The following CHST9 variants were observed in gnomAD, a reference collection of about 807,000 sequenced individuals.
The protein encoded by CHST9 is GalNAc-4-sulfotransferase 2.
In CHST9, 41 loss-of-function variants were observed where a neutral mutation model predicts 44.4. The observed-to-expected ratio is 0.92, with a 90% confidence interval of 0.72 to 1.20. The LOEUF is 1.20. Among genes scored for constraint, CHST9 ranks in the 50% most tolerant of loss-of-function variants. CHST9 has a pLI of 0.00. For synonymous variants in CHST9, 171 were observed against 178.4 expected, an observed-to-expected ratio of 0.96 and a Z score of 0.33; for missense variants, 504 against 516.5, an observed-to-expected ratio of 0.98 and a Z score of 0.23.
At position 26,907,492 on chromosome 18, in the gene CHST9, C is replaced by T. The variant is rs2055385442; in HGVS notation, c.*8767G>A. 6.6e-6 allele frequency: 1 copy of T among 152,028 alleles called. No individual in the cohort carries two copies. Among genetic ancestry groups the T allele is most frequent in the African/African-American group, 2.4e-5 (1 of 41,364 alleles). 9.4% of individuals were successfully genotyped at this position (152,028 alleles called of 1,614,324 possible). On this transcript the variant is annotated 3_prime_UTR_variant, in exon 6 of 6. Coordinates refer to ENST00000618847, the MANE Select transcript of CHST9 (RefSeq NM_031422.6). ...GCCTAGAAAAAGATTTCGGAACCAT[C>T]AGCCTAATGGTGGAGCTAAAGCAAG...
At chr18:27,167,823 A>G (rs2058802630) in intron 1 of CHST9, among the ~76,000 whole-genome samples, 1 of 152,204 alleles carries the variant, frequency 6.6e-6, no homozygotes, top group South Asian at 2.1e-4. Context: ...AATCATGTGC[A>G]AAGTTGTAGT....
intron 2 of CHST9, among the ~76,000 whole-genome samples, chr18:27,080,070 A>G (rs2057945425): frequency 6.6e-6 from 1 of 152,102 alleles, no homozygotes; most frequent in Admixed American, 6.6e-5. Flanking sequence ...CCTACCACAA[A>G]TGTATAATTG....
At chr18:27,094,353 A>T in intron 2 of CHST9, among the ~76,000 whole-genome samples, 1 of 152,204 alleles carries the variant, frequency 6.6e-6, no homozygotes, top group South Asian at 2.1e-4. Context: ...GGTGTTTTAT[A>T]TATACAAAAT....
intron 4 of CHST9, among the ~76,000 whole-genome samples, chr18:26,956,332 T>A (rs1375090504): frequency 7.9e-5 from 11 of 138,502 alleles, no homozygotes; most frequent in African/African-American, 3.0e-4. Context: ...AAAAAATATA[T>A]ATATATATAT....
At chr18:27,182,305 G>C (rs1022121040) in intron 1 of CHST9, among the ~76,000 whole-genome samples, 1 of 140,218 alleles carries the variant, frequency 7.1e-6, no homozygotes, top group South Asian at 2.4e-4. Flanking sequence ...TCTGTAGTTT[G>C]GGTTTATTCT....
At chr18:26,988,893 A>G (rs766365157) in intron 4 of CHST9, among the ~76,000 whole-genome samples, 3 of 152,178 alleles carry the variant, frequency 2.0e-5, no homozygotes, top group Non-Finnish European at 2.9e-5. Flanking sequence ...AAATCTCTAG[A>G]AAATCTAAAT....
chr18:27,024,040 G>T (rs2057255478), intron 4 of CHST9, 76 bp downstream of exon 4: 1 of 1,393,814 alleles, frequency 7.2e-7, no homozygotes. Context: ...ACACTCTGAG[G>T]TTTTCAGATA....
chr18:26,963,436 T>C (rs2056425440), intron 4 of CHST9, among the ~76,000 whole-genome samples: 1 of 151,960 alleles, frequency 6.6e-6, no homozygotes, highest in African/African-American at 2.4e-5. Flanking sequence ...TACTGAGCCG[T>C]TGGGTCTATT....
intron 2 of CHST9, 117 bp downstream of exon 2, chr18:27,142,571 AT>A: frequency 1.4e-6 from 1 of 728,612 alleles, no homozygotes; most frequent in Non-Finnish European, 2.0e-6. Context: ...CTTATGACTC[AT>A]TTTTTGTTGT....
intron 2 of CHST9, among the ~76,000 whole-genome samples, chr18:27,100,055 A>G (rs1341944970): frequency 6.6e-6 from 1 of 152,074 alleles, no homozygotes; most frequent in African/African-American, 2.4e-5. Context: ...ATATATATAC[A>G]CATATGGAGT....
At chr18:26,997,068 C>T (rs1379594007) in intron 4 of CHST9, among the ~76,000 whole-genome samples, 1 of 152,120 alleles carries the variant, frequency 6.6e-6, no homozygotes, top group East Asian at 1.9e-4. Context: ...TTTGCTTTAC[C>T]ACTTGCTAGC....
intron 1 of CHST9, among the ~76,000 whole-genome samples, chr18:27,159,582 G>A (rs2058728774): frequency 6.6e-6 from 1 of 152,116 alleles, no homozygotes; most frequent in South Asian, 2.1e-4. Flanking sequence ...GGATTGACTT[G>A]GCAATGCAGG....
At chr18:26,996,604 G>A (rs1053495143) in intron 4 of CHST9, among the ~76,000 whole-genome samples, 2 of 152,178 alleles carry the variant, frequency 1.3e-5, no homozygotes, top group Non-Finnish European at 2.9e-5. Flanking sequence ...AGGCTGCAAG[G>A]CAGGAAGGCG....
intron 2 of CHST9, among the ~76,000 whole-genome samples, chr18:27,057,329 A>G (rs564954119): frequency 6.6e-6 from 1 of 152,328 alleles, no homozygotes; most frequent in South Asian, 2.1e-4. Flanking sequence ...TTGAAAACCA[A>G]CTGGTCTGTA....
intron 5 of CHST9, among the ~76,000 whole-genome samples, chr18:26,923,951 C>T (rs1399091391): frequency 6.6e-6 from 1 of 152,152 alleles, no homozygotes; most frequent in Non-Finnish European, 1.5e-5. Flanking sequence ...TACATCCTGA[C>T]ATCGAGTCTG....
intron 4 of CHST9, among the ~76,000 whole-genome samples, chr18:26,952,726 A>G (rs1344317006): frequency 2.0e-5 from 3 of 152,224 alleles, no homozygotes; most frequent in Non-Finnish European, 4.4e-5. Flanking sequence ...TAGTATATTC[A>G]TTCCAAAAAA....
intron 5 of CHST9, among the ~76,000 whole-genome samples, chr18:26,933,380 A>C (rs2055916429): frequency 6.6e-6 from 1 of 152,214 alleles, no homozygotes; most frequent in South Asian, 2.1e-4. Context: ...GGTTCTGAAA[A>C]ATATGTAATG....
chr18:26,939,908 C>T (rs9954819), intron 5 of CHST9, among the ~76,000 whole-genome samples: 1,821 of 152,154 alleles, frequency 0.012, 26 homozygotes, highest in African/African-American at 0.033. Context: ...TTCTAAGCAC[C>T]AGGTGAAACT....
chr18:26,979,928 G>A (rs1354776204), intron 4 of CHST9, among the ~76,000 whole-genome samples: 2 of 152,046 alleles, frequency 1.3e-5, no homozygotes, highest in Non-Finnish European at 2.9e-5. Context: ...GTTTCAGATT[G>A]TTTTTAAACT....
Sources: gnomAD v4.1 joint callset for allele counts (sites outside exome capture counted in the v4.1 genomes callset) on GRCh38, gnomAD v4.1.1 for gene constraint, MANE v1.5 for transcripts, NCBI Gene and HGNC (gene_info 2026-07-23, HGNC 2026-07-21) for gene names.